The following TMEM67 variants were observed in gnomAD, a reference collection of about 807,000 sequenced individuals.
The protein encoded by TMEM67 is meckelin.
A neutral mutation model predicts 136.6 loss-of-function variants in TMEM67; 124 were observed. The ratio of observed to expected loss-of-function variants is 0.91; its 90% CI spans 0.78 to 1.05. The LOEUF is 1.05. Among genes scored for constraint, TMEM67 ranks in the 50% least tolerant of loss-of-function variants. The pLI is 0.00. For missense variants in TMEM67, 1,107 were observed against 1,178.4 expected (o/e 0.94, Z 0.89); for synonymous variants, 364 against 390.5 (o/e 0.93, Z 0.80).
At chr8:93,808,443 T>C (rs760656278) in intron 23 of TMEM67, among the ~76,000 whole-genome samples, 2,168 of 13,750 alleles carry the variant, frequency 0.16, 50 homozygotes, top group South Asian at 0.33. Flanking sequence ...ATTATATATT[T>C]ATTATATATA....
intron 26 of TMEM67, among the ~76,000 whole-genome samples, chr8:93,813,081 CCTG>C (rs1430998992): frequency 6.6e-6 from 1 of 152,002 alleles, no homozygotes; most frequent in Non-Finnish European, 1.5e-5. Context: ...CTTCCTTCTT[CCTG>C]CTTTTTTCTT....
At chr8:93,808,195 AATAT>A (rs981017219) in intron 23 of TMEM67, among the ~76,000 whole-genome samples, 1 of 148,030 alleles carries the variant, frequency 6.8e-6, no homozygotes, top group East Asian at 2.0e-4. Flanking sequence ...GTTCTACTTA[AATAT>A]ATATATATGC....
intron 13 of TMEM67, 22 bp from the exon 14 acceptor site, chr8:93,787,822 A>C: frequency 1.3e-6 from 2 of 1,529,428 alleles, no homozygotes; most frequent in Non-Finnish European, 1.8e-6. Context: ...TGATTACTAT[A>C]AATGCATTTT....
the TMEM67 span, among the ~76,000 whole-genome samples, chr8:93,827,480 C>T: frequency 6.6e-6 from 1 of 152,118 alleles, no homozygotes; most frequent in African/African-American, 2.4e-5. Flanking sequence ...CTACCAGGCT[C>T]AGCCTGGGAG....
chr8:93,769,157 G>C (rs1813219500), intron 6 of TMEM67, among the ~76,000 whole-genome samples: 2 of 152,096 alleles, frequency 1.3e-5, no homozygotes, highest in South Asian at 4.1e-4. Context: ...AACCAACACT[G>C]GCGCGGGCAG....
the TMEM67 span, among the ~76,000 whole-genome samples, chr8:93,825,359 T>C: frequency 6.6e-6 from 1 of 152,166 alleles, no homozygotes; most frequent in Admixed American, 6.5e-5. Flanking sequence ...TGGGATGACA[T>C]TGTTAATGTA....
intron 3 of TMEM67, chr8:93,759,741 C>T (rs1812740398): frequency 3.8e-6 from 1 of 264,346 alleles, no homozygotes; most frequent in Non-Finnish European, 7.2e-6. Context: ...ACCTCCCTCT[C>T]AGGTTCAAGC....
chr8:93,815,533 C>G, intron 27 of TMEM67, 86 bp downstream of exon 27: 1 of 1,235,720 alleles, frequency 8.1e-7, no homozygotes, highest in Non-Finnish European at 1.2e-6. Context: ...CAGAGAGTAA[C>G]AATGTCTACT....
chr8:93,765,496 A>G, intron 5 of TMEM67, 21 bp downstream of exon 5: 1 of 1,607,690 alleles, frequency 6.2e-7, no homozygotes, highest in African/African-American at 1.3e-5. Flanking sequence ...CCAAATTGAT[A>G]AAGTATATAT....
At chr8:93,784,589 G>T (rs931081652) in intron 11 of TMEM67, among the ~76,000 whole-genome samples, 1 of 152,202 alleles carries the variant, frequency 6.6e-6, no homozygotes, top group African/African-American at 2.4e-5. Flanking sequence ...GATTCCTGGG[G>T]AAGTATAGAA....
chr8:93,803,738 A>C, intron 22 of TMEM67, 54 bp downstream of exon 22: 1 of 1,097,174 alleles, frequency 9.1e-7, no homozygotes, highest in Non-Finnish European at 1.4e-6. Context: ...TTTAAAGGTC[A>C]TGAGTTTGTT....
intron 6 of TMEM67, among the ~76,000 whole-genome samples, chr8:93,768,641 C>T (rs1186774311): frequency 1.3e-5 from 2 of 152,064 alleles, no homozygotes; most frequent in African/African-American, 4.8e-5. Context: ...ATAGCTCATA[C>T]TGATCCCTTT....
intron 6 of TMEM67, among the ~76,000 whole-genome samples, chr8:93,766,192 C>T (rs924725830): frequency 2.6e-5 from 4 of 151,926 alleles, no homozygotes; most frequent in East Asian, 1.9e-4. Context: ...GGTGCAGTCT[C>T]GGCTCACTGC....
intron 12 of TMEM67, 146 bp from the exon 13 acceptor site, chr8:93,786,077 A>G: frequency 1.3e-6 from 1 of 745,466 alleles, no homozygotes; most frequent in Non-Finnish European, 2.2e-6. Context: ...CTGTCTAAAA[A>G]AAACAAAAGA....
chr8:93,832,268 A>G, the TMEM67 span, among the ~76,000 whole-genome samples: 9 of 152,318 alleles, frequency 5.9e-5, no homozygotes, highest in African/African-American at 2.2e-4. Context: ...GCTTTGAAGC[A>G]CACTGTTTTT....
At chr8:93,765,991 G>A (rs1349821664) in intron 6 of TMEM67, among the ~76,000 whole-genome samples, 1 of 152,046 alleles carries the variant, frequency 6.6e-6, no homozygotes, top group Non-Finnish European at 1.5e-5. Flanking sequence ...CTTGGACCTT[G>A]AGAAGATTTC....
At chr8:93,763,812 A>G (rs1317938538) in intron 3 of TMEM67, 30 bp from the exon 4 acceptor site, 1 of 1,440,316 alleles carries the variant, frequency 6.9e-7, no homozygotes. Flanking sequence ...ACTATGAGTT[A>G]CATCTTTATT....
the TMEM67 span, among the ~76,000 whole-genome samples, chr8:93,827,318 A>T: frequency 6.6e-6 from 1 of 152,214 alleles, no homozygotes. Flanking sequence ...AAATAAATCA[A>T]CCTGTAGGAG....
At chr8:93,800,226 T>C (rs147979373) in intron 21 of TMEM67, among the ~76,000 whole-genome samples, 38 of 152,326 alleles carry the variant, frequency 2.5e-4, no homozygotes, top group African/African-American at 8.7e-4. Context: ...TCAATTCTTA[T>C]ATTGTATTAG....
Sources: gnomAD v4.1 joint callset for allele counts (sites outside exome capture counted in the v4.1 genomes callset) on GRCh38, gnomAD v4.1.1 for gene constraint, MANE v1.5 for transcripts, NCBI Gene and HGNC (gene_info 2026-07-23, HGNC 2026-07-21) for gene names.